Variants in MAF observed in about 807,000 individuals in gnomAD.
MAF encodes the protein transcription factor Maf.
MAF carries 10 observed loss-of-function variants against 22.0 expected under a neutral mutation model. The observed-to-expected ratio is 0.45, with a 90% CI of 0.28 to 0.77. The LOEUF (loss-of-function observed/expected upper bound fraction) is 0.77. MAF is among the 30% of genes least tolerant of loss of function. The pLI is 0.12. For missense variants in MAF, 544 were observed against 548.4 expected, an observed-to-expected ratio of 0.99 and a Z score of 0.08; for synonymous variants, 337 against 255.8, an observed-to-expected ratio of 1.32 and a Z score of -3.03.
intron 1 of MAF, chr16:79,595,347 C>T (rs560317422): frequency 2.9e-6 from 3 of 1,051,296 alleles, no homozygotes; most frequent in Admixed American, 5.5e-5. Context: ...CTGGCCAGAA[C>T]TTAGCAGCAC....
chr16:79,402,164 T>G, the MAF span, among the ~76,000 whole-genome samples: 1 of 152,168 alleles, frequency 6.6e-6, no homozygotes. Context: ...TCTGTTGACC[T>G]ACCCATCAAA....
chr16:79,465,992 C>T, the MAF span, among the ~76,000 whole-genome samples: 2 of 152,160 alleles, frequency 1.3e-5, no homozygotes, highest in South Asian at 2.1e-4. Flanking sequence ...TCTGTAATTC[C>T]TTCATTGTTG....
chr16:79,210,670 C>G, the MAF span, among the ~76,000 whole-genome samples: 1 of 152,094 alleles, frequency 6.6e-6, no homozygotes, highest in African/African-American at 2.4e-5. Flanking sequence ...AAATTAGAGA[C>G]GTGCCGACCA....
the MAF span, among the ~76,000 whole-genome samples, chr16:79,580,785 T>C: frequency 1.7e-4 from 26 of 150,336 alleles, no homozygotes; most frequent in African/African-American, 6.1e-4. Context: ...TACTAGGTAA[T>C]GGTGAGAAAC....
the MAF span, among the ~76,000 whole-genome samples, chr16:79,324,863 A>G: frequency 2.6e-5 from 4 of 152,196 alleles, no homozygotes; most frequent in East Asian, 5.8e-4. Flanking sequence ...TCCTTAAGCA[A>G]GGTGTCAGCA....
chr16:79,421,638 ATTT>A, the MAF span, among the ~76,000 whole-genome samples: 7 of 144,786 alleles, frequency 4.8e-5, no homozygotes, highest in African/African-American at 1.0e-4. Context: ...AAGAAAAGTG[ATTT>A]TTTTTTTTTT....
the MAF span, among the ~76,000 whole-genome samples, chr16:79,550,808 G>T: frequency 6.6e-6 from 1 of 152,110 alleles, no homozygotes; most frequent in Non-Finnish European, 1.5e-5. Context: ...CTGTATGTAG[G>T]TTCCCAACCA....
chr16:79,420,966 G>A, the MAF span, among the ~76,000 whole-genome samples: 3 of 151,912 alleles, frequency 2.0e-5, no homozygotes, highest in African/African-American at 4.8e-5. Context: ...CCCGGGAGGC[G>A]GAGGTTGCAG....
chr16:79,347,135 G>C, the MAF span, among the ~76,000 whole-genome samples: 2 of 152,180 alleles, frequency 1.3e-5, no homozygotes, highest in African/African-American at 2.4e-5. Flanking sequence ...AAACTGGCCA[G>C]GCTATTTCAT....
At chr16:79,489,765 A>G in the MAF span, among the ~76,000 whole-genome samples, 1 of 152,216 alleles carries the variant, frequency 6.6e-6, no homozygotes, top group East Asian at 1.9e-4. Context: ...TGCTCTGACA[A>G]AAGTCCTTGT....
chr16:79,568,770 C>T, the MAF span, among the ~76,000 whole-genome samples: 1 of 152,198 alleles, frequency 6.6e-6, no homozygotes, highest in Non-Finnish European at 1.5e-5. Flanking sequence ...GCATCTTGAA[C>T]CCTTCAAGAC....
the MAF span, among the ~76,000 whole-genome samples, chr16:79,504,683 G>C: frequency 1.3e-5 from 2 of 152,080 alleles, no homozygotes; most frequent in Non-Finnish European, 2.9e-5. Flanking sequence ...TGGATGGATG[G>C]ATGACGGATA....
the MAF span, among the ~76,000 whole-genome samples, chr16:79,423,961 T>C: frequency 6.6e-6 from 1 of 152,214 alleles, no homozygotes; most frequent in Non-Finnish European, 1.5e-5. Flanking sequence ...TGAATCTTAA[T>C]AGGGTTAAGA....
At chr16:79,504,945 G>T in the MAF span, among the ~76,000 whole-genome samples, 1 of 152,132 alleles carries the variant, frequency 6.6e-6, no homozygotes, top group South Asian at 2.1e-4. Context: ...TTTCTCAGGG[G>T]TGTCCAATTC....
the MAF span, among the ~76,000 whole-genome samples, chr16:79,258,024 C>T: frequency 6.6e-6 from 1 of 152,120 alleles, no homozygotes; most frequent in Non-Finnish European, 1.5e-5. Context: ...TAAAATGTGA[C>T]TCTGTTAAGT....
the MAF span, among the ~76,000 whole-genome samples, chr16:79,394,570 C>T: frequency 6.6e-6 from 1 of 152,220 alleles, no homozygotes; most frequent in African/African-American, 2.4e-5. Flanking sequence ...CATGACCTCT[C>T]TGAGGTTCAG....
At chr16:79,339,226 C>A in the MAF span, among the ~76,000 whole-genome samples, 2 of 146,142 alleles carry the variant, frequency 1.4e-5, no homozygotes, top group Admixed American at 6.6e-5. Flanking sequence ...CCCGCCACCA[C>A]GCCCGGCTAA....
At chr16:79,313,629 T>C in the MAF span, among the ~76,000 whole-genome samples, 1 of 152,182 alleles carries the variant, frequency 6.6e-6, no homozygotes, top group East Asian at 1.9e-4. Flanking sequence ...TCTTCAGTTT[T>C]TGTTGTTTCT....
chr16:79,332,276 T>G, the MAF span, among the ~76,000 whole-genome samples: 1 of 152,076 alleles, frequency 6.6e-6, no homozygotes. Flanking sequence ...CTAGGTAAGA[T>G]TGTAAAAAAT....
Sources: gnomAD v4.1 joint callset for allele counts (sites outside exome capture counted in the v4.1 genomes callset) on GRCh38, gnomAD v4.1.1 for gene constraint, MANE v1.5 for transcripts, NCBI Gene and HGNC (gene_info 2026-07-23, HGNC 2026-07-21) for gene names.